Variants in ATG2B observed in about 807,000 individuals in gnomAD.
ATG2B encodes the protein autophagy related 2B.
In ATG2B, 121 loss-of-function variants were observed where a neutral mutation model predicts 241.3. The observed-to-expected ratio is 0.50, with a 90% CI of 0.43 to 0.58. The LOEUF is 0.58. Ranked by LOEUF, ATG2B falls within the 20% of genes least tolerant of loss-of-function variation. The pLI is 0.00. For missense variants in ATG2B, 2,306 were observed against 2,491.6 expected (o/e 0.93, Z 1.59); for synonymous variants, 858 against 876.6 (o/e 0.98, Z 0.37).
At chr14:96,358,759 ATTT>A in intron 1 of ATG2B, among the ~76,000 whole-genome samples, 1 of 147,408 alleles carries the variant, frequency 6.8e-6, no homozygotes, top group African/African-American at 2.5e-5. Flanking sequence ...CCTATCAAGT[ATTT>A]TTTTTTTTTT....
intron 10 of ATG2B, 128 bp from the exon 11 acceptor site, chr14:96,331,765 C>A (rs1279466643): frequency 1.3e-6 from 1 of 771,364 alleles, no homozygotes; most frequent in Admixed American, 3.4e-5. Flanking sequence ...TGATATTAAA[C>A]AATTAATTTA....
At chr14:96,348,102 G>T (rs1311995472) in intron 1 of ATG2B, among the ~76,000 whole-genome samples, 1 of 152,184 alleles carries the variant, frequency 6.6e-6, no homozygotes, top group African/African-American at 2.4e-5. Context: ...ATTAACAGAT[G>T]AATGGATAAA....
At chr14:96,333,976 C>G in intron 7 of ATG2B, 103 bp from the exon 8 acceptor site, 2 of 952,270 alleles carry the variant, frequency 2.1e-6, no homozygotes. Context: ...CAACTTAACA[C>G]CACAGTGCAA....
chr14:96,295,986 GCT>G (rs1249920347), intron 34 of ATG2B, among the ~76,000 whole-genome samples: 1 of 151,994 alleles, frequency 6.6e-6, no homozygotes, highest in Non-Finnish European at 1.5e-5. Flanking sequence ...ACGGAGTCTC[GCT>G]CTGTCGCCAG....
At chr14:96,339,889 G>T (rs374137297) in intron 6 of ATG2B, among the ~76,000 whole-genome samples, 1 of 151,036 alleles carries the variant, frequency 6.6e-6, no homozygotes, top group Non-Finnish European at 1.5e-5. Context: ...TTTGAAAAAA[G>T]AAAACAAAGG....
intron 41 of ATG2B, 49 bp from the exon 42 acceptor site, chr14:96,286,034 G>A (rs1423515161): frequency 9.4e-6 from 14 of 1,491,742 alleles, no homozygotes; most frequent in African/African-American, 2.8e-5. Context: ...AACAAACTCT[G>A]GTCGGAAAAC....
At chr14:96,307,647 C>T (rs1886989663) in intron 29 of ATG2B, among the ~76,000 whole-genome samples, 1 of 151,714 alleles carries the variant, frequency 6.6e-6, no homozygotes, top group African/African-American at 2.4e-5. Context: ...TGAGGGGAAA[C>T]TGGTTACATT....
rs1233724647 is a variant in ATG2B at position 96,295,516 on chromosome 14, TG to T, written c.5183del (p.Ala1728GlufsTer3). 6.2e-7 allele frequency: 1 copy of T among 1,607,322 alleles called. No individual in the cohort carries two copies. The highest frequency in any genetic ancestry group is 1.3e-5 in the African/African-American group (1 of 74,530). ...CTGGAGTCATTTGAAGCTCTACTTC[TG>T]CAGAAAGACTTGTGAAGAAATCCTT... ...FLKDFFTSLS[A>X]EVELQMTPDP... On this transcript the variant is annotated frameshift_variant, in exon 35 of 42. Coordinates refer to ENST00000359933, the MANE Select transcript of ATG2B (RefSeq NM_018036.7). LOFTEE classifies it high-confidence loss of function.
At chr14:96,338,273 T>C (rs1331079603) in intron 6 of ATG2B, among the ~76,000 whole-genome samples, 2 of 152,146 alleles carry the variant, frequency 1.3e-5, no homozygotes, top group East Asian at 3.8e-4. Context: ...TGGATGTCCT[T>C]TATTTCTTTC....
At chr14:96,357,112 T>C (rs1888497772) in intron 1 of ATG2B, among the ~76,000 whole-genome samples, 1 of 150,864 alleles carries the variant, frequency 6.6e-6, no homozygotes, top group Admixed American at 6.6e-5. Flanking sequence ...GTAACCACCA[T>C]TAAAATGACA....
intron 21 of ATG2B, 126 bp downstream of exon 21, chr14:96,316,407 A>G: frequency 1.1e-6 from 1 of 916,286 alleles, no homozygotes; most frequent in Non-Finnish European, 1.6e-6. Flanking sequence ...CTTTGACAGC[A>G]GAATGAGAGC....
At chr14:96,332,474 T>C (rs1196878344) in intron 9 of ATG2B, 27 bp downstream of exon 9, 6 of 1,611,500 alleles carry the variant, frequency 3.7e-6, no homozygotes, top group East Asian at 2.2e-5. Context: ...CTTTTCAGTC[T>C]AGAAGAAAAA....
At chr14:96,337,304 T>C (rs1887892913) in intron 6 of ATG2B, among the ~76,000 whole-genome samples, 1 of 152,192 alleles carries the variant, frequency 6.6e-6, no homozygotes, top group African/African-American at 2.4e-5. Context: ...TGTAGAAAAT[T>C]TGTTTTCAAG....
At chr14:96,288,793 G>A (rs1886404968) in intron 41 of ATG2B, among the ~76,000 whole-genome samples, 1 of 146,164 alleles carries the variant, frequency 6.8e-6, no homozygotes, top group Admixed American at 7.1e-5. Context: ...AGGGAATGAC[G>A]CTGACAACAC....
At chr14:96,356,291 A>C (rs971668164) in intron 1 of ATG2B, among the ~76,000 whole-genome samples, 8 of 152,198 alleles carry the variant, frequency 5.3e-5, no homozygotes, top group Non-Finnish European at 1.5e-5. Context: ...AAATCTTCAT[A>C]ATAACCCTCC....
chr14:96,359,628 T>C (rs1228321892), intron 1 of ATG2B, among the ~76,000 whole-genome samples: 1 of 152,138 alleles, frequency 6.6e-6, no homozygotes, highest in East Asian at 1.9e-4. Flanking sequence ...CCACCCCAAA[T>C]AGAATTTCCT....
chr14:96,340,376 T>C (rs1888000956), intron 6 of ATG2B, among the ~76,000 whole-genome samples: 1 of 151,362 alleles, frequency 6.6e-6, no homozygotes, highest in Non-Finnish European at 1.5e-5. Flanking sequence ...CCATAAAAAA[T>C]AATGAAGTCC....
In ATG2B at chr14:96,322,706, A is replaced by C. The variant is rs753145109; in HGVS notation, c.2570T>G (p.Met857Arg). The change falls in exon 17 of 42, where the codon ATG (methionine) becomes AGG (arginine). Residue 857 changes from methionine (M) to arginine (R), a missense_variant. Met to Arg is a moderately conservative substitution (Grantham distance 91). This residue lies in a region of ATG2B where 1,927 missense variants were observed against 2,011.2 expected (regional missense o/e 0.96). Coordinates refer to ENST00000359933, the MANE Select transcript of ATG2B (RefSeq NM_018036.7). ...TGCAATTCTCTCCAAAATGGAATGC[A>C]TGGCTGGTGGATTTATTTTCAGTAC... ...RIVLKINPPAMHSILERIAAE... is the reference protein window; with the variant it reads ...RIVLKINPPARHSILERIAAE... 1.9e-6 allele frequency: 3 copies of C among 1,613,326 alleles called. No individual in the cohort carries two copies. Among genetic ancestry groups the C allele is most frequent in the Non-Finnish European group, 2.5e-6 (3 of 1,179,752 alleles).
At chr14:96,332,460 G>T in intron 9 of ATG2B, 41 bp downstream of exon 9, 7 of 1,611,704 alleles carry the variant, frequency 4.3e-6, no homozygotes, top group Non-Finnish European at 5.1e-6. Flanking sequence ...AATTTTAGAA[G>T]CAACTTTTCA....
Sources: gnomAD v4.1 joint callset for allele counts (sites outside exome capture counted in the v4.1 genomes callset) on GRCh38, gnomAD v4.1.1 for gene constraint, gnomAD v4.1.1 regional missense constraint, MANE v1.5 for transcripts, NCBI Gene and HGNC (gene_info 2026-07-23, HGNC 2026-07-21) for gene names.